TNXB: variants seen among roughly 807,000 people sequenced by gnomAD.
The protein encoded by TNXB is tenascin-X.
TNXB carries 183 observed loss-of-function variants against 340.5 expected under a neutral mutation model. The observed-to-expected ratio is 0.54, with a 90% CI of 0.48 to 0.61. The LOEUF (loss-of-function observed/expected upper bound fraction) is 0.61. TNXB is among the 20% of genes least tolerant of loss of function. TNXB has a pLI of 0.00. For missense variants in TNXB, 4,613 were observed against 5,446.4 expected, an observed-to-expected ratio of 0.85 and a Z score of 4.82; for synonymous variants, 2,121 against 2,314.5, an observed-to-expected ratio of 0.92 and a Z score of 2.40.
rs996853170 is a variant in TNXB, at chr6:32,080,696, G to T, written c.4042+672C>A. On this transcript the variant is annotated intron_variant, in intron 10 of 43. Coordinates refer to ENST00000644971, the MANE Select transcript of TNXB (RefSeq NM_001365276.2). The surrounding 1 kb of genome is among the most constrained non-coding windows in gnomAD (Gnocchi z 4.3). Reference sequence around the variant, plus strand: ...TCGGGCAGTTGGCTCCGGAGTCTTTGCTCCTAACCACTATCCACACTATCT... The same window carrying T: ...TCGGGCAGTTGGCTCCGGAGTCTTTTCTCCTAACCACTATCCACACTATCT... Among the ~76,000 whole-genome samples, 12 of 152,270 alleles carry T rather than the reference G, an allele frequency of 7.9e-5. No individual in the cohort carries two copies. The highest frequency in any genetic ancestry group is 2.4e-4 in the African/African-American group (10 of 41,554).
At chr6:32,076,369 C>T (rs1296212912) in intron 11 of TNXB, among the ~76,000 whole-genome samples, 3 of 152,218 alleles carry the variant, frequency 2.0e-5, no homozygotes, top group Non-Finnish European at 2.9e-5. Flanking sequence ...TGCTGCCAGA[C>T]ACAGCCCCCA....
In TNXB at chr6:32,082,023, G is replaced by A; in HGVS notation, c.3736+13C>T. On this transcript the variant is annotated intron_variant, in intron 9 of 43. Coordinates refer to ENST00000644971, the MANE Select transcript of TNXB (RefSeq NM_001365276.2). The surrounding 1 kb of genome is among the most constrained non-coding windows in gnomAD (Gnocchi z 5.0). ...GAAGGGGTCACATGGGGGCTGAGGT[G>A]GCTGCTACTCACCAGTGGTGCCATC... is the stretch of plus-strand genomic sequence containing the variant. The A allele has an allele frequency of 6.3e-7, 1 of 1,595,116 alleles. No individual in the cohort carries two copies. The highest frequency in any genetic ancestry group is 8.5e-7 in the Non-Finnish European group (1 of 1,170,916).
intron 4 of TNXB, among the ~76,000 whole-genome samples, chr6:32,092,213 G>C (rs1399639651): frequency 6.6e-6 from 1 of 152,124 alleles, no homozygotes; most frequent in Non-Finnish European, 1.5e-5. Flanking sequence ...TAGATCTAGT[G>C]GGGGAGTCTG....
chr6:32,043,615 C>T (rs1178233369), intron 35 of TNXB, 59 bp from the exon 36 acceptor site: 6 of 1,354,372 alleles, frequency 4.4e-6, no homozygotes, highest in Non-Finnish European at 6.3e-6. Flanking sequence ...CCGTGCCTCC[C>T]CAGACTCCAC....
At position 32,069,118 on chromosome 6, in the gene TNXB, T is replaced by C. The variant is rs756175299; in HGVS notation, c.5606A>G (p.Glu1869Gly). The C allele has an allele frequency of 1.2e-6, 2 of 1,608,712 alleles. No homozygotes were observed. The highest frequency in any genetic ancestry group is 2.2e-5 in the South Asian group (2 of 90,844). ...AGGGGTCGGGGCCGTGGTCTCAGTT[T>C]CCGTTTCTTCCCTGCCGGCTGGTTC... ...VAITAGREETETETTAPTPPA... is the reference protein window; with the variant it reads ...VAITAGREETGTETTAPTPPA... The change falls in exon 16 of 44, where the codon GAA (glutamate) becomes GGA (glycine). Residue 1869 changes from glutamate to glycine, a missense_variant. Physicochemically the swap from Glu to Gly is moderately conservative, Grantham distance 98. Around this residue, in one of 7 missense-constraint regions of TNXB, gnomAD observed 4,327 missense variants for 4,859.4 expected, o/e 0.89. Transcript: ENST00000644971. The surrounding 1 kb of genome is among the most constrained non-coding windows in gnomAD (Gnocchi z 6.2).
Position 32,098,178 on chromosome 6 carries a change from A to C in TNXB, c.21T>G (p.Ala7=), listed in dbSNP as rs1198189413. 6.5e-7 allele frequency: 1 copy of C among 1,546,602 alleles called. No individual in the cohort carries two copies. The highest frequency in any genetic ancestry group is 1.2e-5 in the South Asian group (1 of 82,726). The change falls in exon 2 of 44, where the codon GCT becomes GCG. Residue 7 remains alanine (A), a synonymous_variant. Transcript: ENST00000644971. ...CCAGGAGAACCAGGCTGGAGGTTAG[A>C]GCATACTGGGCTGGCATCATTCAGG... MMPAQY[A]LTSSLVLLVL...
intron 1 of TNXB, among the ~76,000 whole-genome samples, chr6:32,100,718 C>T (rs116298992): frequency 0.015 from 2,290 of 151,722 alleles, 29 homozygotes; most frequent in Non-Finnish European, 0.025. Flanking sequence ...AGAGCTGATA[C>T]TCTGTTTCAA....
At position 32,084,365 on chromosome 6, in the gene TNXB, AC is replaced by A; in HGVS notation, c.3445+47del. 1 of 1,493,828 alleles carries A rather than the reference AC, an allele frequency of 6.7e-7. No homozygotes were observed. The highest frequency in any genetic ancestry group is 9.0e-7 in the Non-Finnish European group (1 of 1,116,262). The allele number at this position is 1,493,828 out of a possible 1,614,324, so 92.5% of individuals were successfully genotyped here. Reference sequence around the variant, plus strand: ...AGCAGGTTCCCAAAGCACTGAGAAAACCTCTTCAGGGCAGTACAGAGGGCAG... The same window carrying A: ...AGCAGGTTCCCAAAGCACTGAGAAAACTCTTCAGGGCAGTACAGAGGGCAG... On this transcript the variant is annotated intron_variant, in intron 8 of 43. Transcript: ENST00000644971. This position sits in a 1 kb window ranked among gnomAD's most constrained non-coding sequence, Gnocchi z 5.5.
In TNXB at chr6:32,053,514, G is replaced by C. The variant is rs774438735; in HGVS notation, c.8665C>G (p.Arg2889Gly). 2.5e-5 allele frequency: 40 copies of C among 1,613,408 alleles called. No individual in the cohort carries two copies. The highest frequency in any genetic ancestry group is 3.2e-5 in the Non-Finnish European group (38 of 1,179,882). Residue 2889 changes from arginine (R) to glycine (G), a missense_variant, in exon 25 of 44, where the codon CGG (arginine) becomes GGG (glycine). Coordinates refer to ENST00000644971, the MANE Select transcript of TNXB (RefSeq NM_001365276.2). ...ACCCCGTCCTCGTGCCCCGGCACCCGCACCACCTTGGGCTGCCCATCCCCA... is the reference window on the plus strand; with the variant it reads ...ACCCCGTCCTCGTGCCCCGGCACCCCCACCACCTTGGGCTGCCCATCCCCA... ...RNGDGQPKVV[R>G]VPGHEDGVTI...
At position 32,050,217 on chromosome 6, in the gene TNXB, C is replaced by T; in HGVS notation, c.9220G>A (p.Asp3074Asn). 2 of 1,613,688 alleles carry T rather than the reference C, an allele frequency of 1.2e-6. No homozygotes were observed. Among genetic ancestry groups the T allele is most frequent in the African/African-American group, 1.3e-5 (1 of 75,000 alleles). ...ACCATCCAGGACAGGCTGAGGGAGT[C>T]GGGGGTGGCATCTGTCACGGTCAGC... ...GELTVTDATPDSLSLSWMVPE... is the reference protein window; with the variant it reads ...GELTVTDATPNSLSLSWMVPE... The change falls in exon 27 of 44, where the codon GAC (aspartate) becomes AAC (asparagine). Residue 3074 changes from aspartate to asparagine, a missense_variant. This residue lies in a region of TNXB where 4,327 missense variants were observed against 4,859.4 expected (regional missense o/e 0.89). Coordinates refer to ENST00000644971, the MANE Select transcript of TNXB (RefSeq NM_001365276.2).
chr6:32,088,074 C>G lies in TNXB; in HGVS notation c.2779+711G>C, dbSNP rs1168069626. ...TCCCGCGGCAGCCCCTCCCTCGATC[C>G]CTCCCACCAGAGCCAGAGGCCTCTT... On this transcript the variant is annotated intron_variant, in intron 6 of 43. Coordinates refer to ENST00000644971, the MANE Select transcript of TNXB (RefSeq NM_001365276.2). 3.9e-5 allele frequency among the ~76,000 whole-genome samples: 6 copies of G among 152,294 alleles called. No homozygotes were observed. In the East Asian group the frequency reaches 5.8e-4, roughly 15 times the overall value.
In TNXB at chr6:32,064,768, A is replaced by G. The variant is rs2151910342; in HGVS notation, c.6841+53T>C. The G allele has an allele frequency of 6.3e-7, 1 of 1,577,770 alleles. No individual in the cohort carries two copies. The highest frequency in any genetic ancestry group is 8.6e-7 in the Non-Finnish European group (1 of 1,161,234). On this transcript the variant is annotated intron_variant, in intron 19 of 43. Coordinates refer to ENST00000644971, the MANE Select transcript of TNXB (RefSeq NM_001365276.2). This position sits in a 1 kb window ranked among gnomAD's most constrained non-coding sequence, Gnocchi z 5.3. Reference sequence around the variant, plus strand: ...AAAGCCACCAGATACTGACAATAAAAGGGAAACTGAGTCTAGTTCAGGGCA... The same window carrying G: ...AAAGCCACCAGATACTGACAATAAAGGGGAAACTGAGTCTAGTTCAGGGCA...
Position 32,072,828 on chromosome 6 carries a change from G to A in TNXB, c.4682-530C>T, listed in dbSNP as rs1392277795. ...TAGCTGGGTGTGGTGGCACGTGCCC[G>A]TAATCCCAGTTACTCGGGAGGCTGA... is the stretch of plus-strand genomic sequence containing the variant. On this transcript the variant is annotated intron_variant, in intron 12 of 43. Transcript: ENST00000644971. The surrounding 1 kb of genome is among the most constrained non-coding windows in gnomAD (Gnocchi z 4.4). Among the ~76,000 whole-genome samples the A allele has an allele frequency of 2.0e-5, 3 of 152,160 alleles. No homozygotes were observed. Among genetic ancestry groups the A allele is most frequent in the Non-Finnish European group, 2.9e-5 (2 of 68,032 alleles).
At chr6:32,065,965 T>A (rs1351916514) in intron 18 of TNXB, among the ~76,000 whole-genome samples, 1 of 152,212 alleles carries the variant, frequency 6.6e-6, no homozygotes, top group East Asian at 1.9e-4. Flanking sequence ...GTGGATTTTT[T>A]AAAAATAATT....
Position 32,079,273 on chromosome 6 carries a change from T to C in TNXB, c.4135A>G (p.Thr1379Ala). 6.2e-7 allele frequency: 1 copy of C among 1,613,298 alleles called. No homozygotes were observed. Residue 1379 changes from threonine to alanine, a missense_variant, in exon 11 of 44, where the codon ACA becomes GCA. Coordinates refer to ENST00000644971, the MANE Select transcript of TNXB (RefSeq NM_001365276.2). The surrounding 1 kb of genome is among the most constrained non-coding windows in gnomAD (Gnocchi z 7.1). The part of the protein sequence containing the change: ...SPEEPLLGEL[T>A]VTGSSPDSLS... ...GAATCAGGGGAGGATCCTGTCACTG[T>C]CAGCTCCCCCAGGAGCGGCTCCTCG...
chr6:32,085,458 G>A lies in TNXB; in HGVS notation c.3148+292C>T, dbSNP rs1178303923. Among the ~76,000 whole-genome samples, 1 of 152,140 alleles carries A rather than the reference G, an allele frequency of 6.6e-6. No individual in the cohort carries two copies. The highest frequency in any genetic ancestry group is 1.9e-4 in the East Asian group (1 of 5,188). The stretch of plus-strand genomic sequence containing the variant: ...CAGGGCAAGGAAAGCTGCAGGTGGA[G>A]GGCCAGGGACCTTCAGCCTCTCTCC... On this transcript the variant is annotated intron_variant, in intron 7 of 43. Coordinates refer to ENST00000644971, the MANE Select transcript of TNXB (RefSeq NM_001365276.2). This position sits in a 1 kb window ranked among gnomAD's most constrained non-coding sequence, Gnocchi z 6.4.
In TNXB at chr6:32,071,667, C is replaced by A. The variant is rs181912831; in HGVS notation, c.4990+323G>T. On this transcript the variant is annotated intron_variant, in intron 13 of 43. Coordinates refer to ENST00000644971, the MANE Select transcript of TNXB (RefSeq NM_001365276.2). ...GTGGCGCAATCTCAGCTCCCTGCAG[C>A]CTCCACCTCCTGGGTTCAAGTGATT... Among the ~76,000 whole-genome samples the A allele has an allele frequency of 9.6e-4, 145 of 151,758 alleles. 1 individual carries two copies. Among genetic ancestry groups the A allele is most frequent in the Non-Finnish European group, 2.4e-4 (16 of 67,952 alleles).
At position 32,098,084 on chromosome 6, in the gene TNXB, G is replaced by C. The variant is rs747637294; in HGVS notation, c.115C>G (p.Pro39Ala). 2.6e-5 allele frequency: 42 copies of C among 1,605,304 alleles called. No homozygotes were observed. The highest frequency in any genetic ancestry group is 4.5e-5 in the East Asian group (2 of 44,832). Residue 39 changes from proline to alanine, a missense_variant, in exon 2 of 44, where the codon CCC becomes GCC. By Grantham distance (27) the Pro-to-Ala change is conservative. Coordinates refer to ENST00000644971, the MANE Select transcript of TNXB (RefSeq NM_001365276.2). ...RSNVTLPAPRPPPQPGGHTVG... is the reference protein window; with the variant it reads ...RSNVTLPAPRAPPQPGGHTVG... ...GTGTGGCCCCCTGGCTGGGGAGGGG[G>C]CCGGGGGGCTGGCAGTGTCACATTG...
Position 32,047,624 on chromosome 6 carries a change from G to C in TNXB, c.10324+110C>G. 2.3e-6 allele frequency: 3 copies of C among 1,278,298 alleles called. No homozygotes were observed. The highest frequency in any genetic ancestry group is 3.2e-6 in the Non-Finnish European group (3 of 950,374). 79.2% of individuals were successfully genotyped at this position (1,278,298 alleles called of 1,614,324 possible). On this transcript the variant is annotated intron_variant, in intron 30 of 43. Coordinates refer to ENST00000644971, the MANE Select transcript of TNXB (RefSeq NM_001365276.2). This position sits in a 1 kb window ranked among gnomAD's most constrained non-coding sequence, Gnocchi z 6.2. ...AGGGACTCACTTTCGGAGTTAAGAT[G>C]GTTGTGTCAGGGCTGATAGAGGGAA...
Sources: gnomAD v4.1 joint callset for allele counts (sites outside exome capture counted in the v4.1 genomes callset) on GRCh38, gnomAD v4.1.1 for gene constraint, gnomAD v4.1.1 regional missense constraint, Gnocchi (gnomAD v3.1) non-coding constraint, MANE v1.5 for transcripts, NCBI Gene and HGNC (gene_info 2026-07-23, HGNC 2026-07-21) for gene names.